Variants in TENT2 observed in about 807,000 individuals in gnomAD.
The protein encoded by TENT2 is poly(A) RNA polymerase GLD2.
In TENT2, 44 loss-of-function variants were observed where a neutral mutation model predicts 72.2. That is an observed-to-expected ratio of 0.61 (90% CI 0.48 to 0.78). TENT2 has a LOEUF of 0.78. Among genes scored for constraint, TENT2 ranks in the 30% least tolerant of loss-of-function variants. The probability of loss-of-function intolerance (pLI) is 0.00; values close to 1 mark genes in which losing one functional copy is unlikely to be tolerated. For synonymous variants in TENT2, 212 were observed against 192.5 expected (o/e 1.10, Z -0.84); for missense variants, 541 against 569.6 (o/e 0.95, Z 0.51).
At chr5:79,615,147 C>G (rs1477763111) in intron 1 of TENT2, 1 of 152,182 alleles carries the variant, frequency 6.6e-6, no homozygotes. Flanking sequence ...GACTAAACAT[C>G]TGGCTGTGGA....
chr5:79,641,612 G>A (rs1784524990), intron 6 of TENT2, among the ~76,000 whole-genome samples: 1 of 151,284 alleles, frequency 6.6e-6, no homozygotes, highest in Non-Finnish European at 1.5e-5. Context: ...CTTTGAAAAT[G>A]CTTATTAAGG....
At chr5:79,679,406 T>G (rs1415523285) in intron 12 of TENT2, among the ~76,000 whole-genome samples, 173 bp from the exon 13 acceptor site, 2 of 151,304 alleles carry the variant, frequency 1.3e-5, no homozygotes, top group African/African-American at 2.5e-5. Flanking sequence ...ATGATAAGTG[T>G]TGTGGAAAAA....
At chr5:79,651,874 A>T (rs527699307) in intron 10 of TENT2, among the ~76,000 whole-genome samples, 1 of 152,200 alleles carries the variant, frequency 6.6e-6, no homozygotes, top group East Asian at 1.9e-4. Context: ...GTATACTCCT[A>T]GGGTGAAATT....
chr5:79,662,923 A>T (rs1232284297), intron 11 of TENT2, among the ~76,000 whole-genome samples: 1 of 152,196 alleles, frequency 6.6e-6, no homozygotes, highest in Non-Finnish European at 1.5e-5. Flanking sequence ...AGCCTGTTTC[A>T]TTTACACTGA....
intron 1 of TENT2, among the ~76,000 whole-genome samples, chr5:79,613,671 A>T (rs539071126): frequency 6.6e-6 from 1 of 152,224 alleles, no homozygotes; most frequent in Non-Finnish European, 1.5e-5. Flanking sequence ...TCCATGTGAA[A>T]TAGGCCGTTT....
At position 79,642,877 on chromosome 5, in the gene TENT2, A is replaced by G. The variant is rs766710866; in HGVS notation, c.718A>G (p.Thr240Ala). Residue 240 changes from threonine to alanine, a missense_variant, in exon 7 of 15, where the codon ACC becomes GCC. Coordinates refer to ENST00000453514, the MANE Select transcript of TENT2 (RefSeq NM_001114394.3). ...GAAGACTGAAGCACGGCATATACTC[A>G]CCTTAGTCCATAAACACTTCTGTAC... ...NQKTEARHIL[T>A]LVHKHFCTRL... The G allele has an allele frequency of 1.9e-6, 3 of 1,612,032 alleles. No homozygotes were observed. In the East Asian group the frequency reaches 6.7e-5, roughly 36 times the overall value.
rs565455674 is a variant in TENT2, at chr5:79,654,749, G to C, written c.1028-2209G>C. Among the ~76,000 whole-genome samples the C allele has an allele frequency of 2.0e-5, 3 of 150,664 alleles. No homozygotes were observed. The South Asian group carries it at 6.3e-4, about 31-fold the overall frequency. Reference sequence around the variant, plus strand: ...ACTGTACTCCAGCCTGGGTGACAGAGCGAGACCCTGTCTCAAAAAAAAAAA... The same window carrying C: ...ACTGTACTCCAGCCTGGGTGACAGACCGAGACCCTGTCTCAAAAAAAAAAA... On this transcript the variant is annotated intron_variant, in intron 10 of 14. Coordinates refer to ENST00000453514, the MANE Select transcript of TENT2 (RefSeq NM_001114394.3).
chr5:79,634,589 T>G (rs1159362850), intron 4 of TENT2, among the ~76,000 whole-genome samples: 2 of 152,188 alleles, frequency 1.3e-5, no homozygotes, highest in Non-Finnish European at 2.9e-5. Flanking sequence ...TCTGCCCGCC[T>G]TGGCCTCCCA....
At chr5:79,657,102 T>G in intron 11 of TENT2, 101 bp downstream of exon 11, 1 of 749,066 alleles carries the variant, frequency 1.3e-6, no homozygotes, top group Non-Finnish European at 2.1e-6. Context: ...TAAGGCTAAG[T>G]ACATGATAAC....
chr5:79,675,441 T>C (rs72768838), intron 12 of TENT2, among the ~76,000 whole-genome samples: 2,343 of 152,180 alleles, frequency 0.015, 31 homozygotes, highest in Non-Finnish European at 0.024. Flanking sequence ...ATTTGAGAAG[T>C]AAGACGAAAG....
At chr5:79,638,075 G>A (rs1337639556) in intron 4 of TENT2, among the ~76,000 whole-genome samples, 1 of 152,200 alleles carries the variant, frequency 6.6e-6, no homozygotes, top group East Asian at 1.9e-4. Context: ...TGGGATTACA[G>A]GCATGAGCCA....
chr5:79,675,335 G>T (rs757361188), intron 12 of TENT2, among the ~76,000 whole-genome samples: 1 of 152,216 alleles, frequency 6.6e-6, no homozygotes, highest in Non-Finnish European at 1.5e-5. Flanking sequence ...AGCTGAATCA[G>T]TGTGGTTGGA....
intron 3 of TENT2, among the ~76,000 whole-genome samples, chr5:79,622,849 G>A (rs1766210368): frequency 6.6e-6 from 1 of 152,144 alleles, no homozygotes; most frequent in African/African-American, 2.4e-5. Flanking sequence ...GAACATAGGT[G>A]TATTCAAAGA....
intron 11 of TENT2, among the ~76,000 whole-genome samples, chr5:79,662,775 T>C (rs1804096992): frequency 6.6e-6 from 1 of 152,190 alleles, no homozygotes; most frequent in South Asian, 2.1e-4. Context: ...TGGAATGGTA[T>C]ATAAGCATTG....
At chr5:79,659,553 A>T (rs866339177) in intron 11 of TENT2, among the ~76,000 whole-genome samples, 1 of 26,852 alleles carries the variant, frequency 3.7e-5, no homozygotes, top group African/African-American at 2.5e-4. Flanking sequence ...AAAAAAAAAA[A>T]ATGTATATAT....
In TENT2 at chr5:79,686,333, TAAAA is replaced by T. The variant is rs775559867; in HGVS notation, c.*1066_*1069del. On this transcript the variant is annotated 3_prime_UTR_variant, in exon 15 of 15. Coordinates refer to ENST00000453514, the MANE Select transcript of TENT2 (RefSeq NM_001114394.3). ...TTCACATGAAAGAAGTGGTGGCTGC[TAAAA>T]AAAAAGCTACAGTGTTTATTAAGGG... The T allele has an allele frequency of 2.0e-5, 3 of 150,638 alleles. No homozygotes were observed. Among genetic ancestry groups the T allele is most frequent in the Admixed American group, 2.0e-4 (3 of 15,094 alleles). 9.3% of individuals were successfully genotyped at this position (150,638 alleles called of 1,614,324 possible).
At chr5:79,636,581 C>A (rs895231459) in intron 4 of TENT2, among the ~76,000 whole-genome samples, 1 of 152,146 alleles carries the variant, frequency 6.6e-6, no homozygotes, top group Non-Finnish European at 1.5e-5. Flanking sequence ...CTGTCAGTTT[C>A]TAGAAAGAAG....
At chr5:79,638,105 G>A (rs1036396483) in intron 4 of TENT2, among the ~76,000 whole-genome samples, 2 of 152,038 alleles carry the variant, frequency 1.3e-5, no homozygotes, top group Non-Finnish European at 2.9e-5. Context: ...GCCTTCTTCT[G>A]TTCTTACATA....
Position 79,659,558 on chromosome 5 carries a change from ATAT to A in TENT2, c.1071+2558_1071+2560del, listed in dbSNP as rs1561547315. ...AAAAAAAAAAAAAAAAAAAAAATGT[ATAT>A]ATATATATATATATATATATATATA... On this transcript the variant is annotated intron_variant, in intron 11 of 14. Coordinates refer to ENST00000453514, the MANE Select transcript of TENT2 (RefSeq NM_001114394.3). Among the ~76,000 whole-genome samples the A allele has an allele frequency of 6.6e-3, 345 of 52,252 alleles. 16 individuals carry two copies. Among genetic ancestry groups the A allele is most frequent in the African/African-American group, 0.028 (269 of 9,668 alleles). The allele number at this position is 52,252 out of a possible 152,430, so 34.3% of individuals were successfully genotyped here.
Sources: allele counts gnomAD v4.1 joint callset (sites outside exome capture counted in the v4.1 genomes callset), GRCh38; gene constraint gnomAD v4.1.1; transcripts MANE v1.5; gene names NCBI Gene and HGNC (gene_info 2026-07-23, HGNC 2026-07-21).